The following CHRM3 variants were observed in gnomAD, a reference collection of about 807,000 sequenced individuals.
CHRM3 encodes the protein muscarinic acetylcholine receptor M3.
In CHRM3, 11 loss-of-function variants were observed where a neutral mutation model predicts 41.8. The ratio of observed to expected loss-of-function variants is 0.26; its 90% CI spans 0.17 to 0.44. The LOEUF is 0.44. CHRM3 is among the 20% of genes least tolerant of loss of function. The pLI is 1.00. For missense variants in CHRM3, 571 were observed against 745.4 expected, an observed-to-expected ratio of 0.77 and a Z score of 2.72; for synonymous variants, 297 against 301.4, an observed-to-expected ratio of 0.99 and a Z score of 0.15.
intron 3 of CHRM3, among the ~76,000 whole-genome samples, chr1:239,551,224 G>A (rs1659791777): frequency 6.9e-6 from 1 of 144,584 alleles, no homozygotes; most frequent in Non-Finnish European, 1.5e-5. Context: ...GTGCAATGGC[G>A]TGATCTCGGC....
chr1:239,673,818 C>T (rs1471937068), intron 4 of CHRM3, among the ~76,000 whole-genome samples: 1 of 152,136 alleles, frequency 6.6e-6, no homozygotes, highest in Non-Finnish European at 1.5e-5. Flanking sequence ...TCTATACCTA[C>T]ATTTTCTTAA....
chr1:239,820,157 G>T (rs929569507), intron 5 of CHRM3, among the ~76,000 whole-genome samples: 1 of 152,108 alleles, frequency 6.6e-6, no homozygotes, highest in Admixed American at 6.6e-5. Flanking sequence ...GCACATTAAT[G>T]GGAAAAAAGT....
At chr1:239,901,182 A>G (rs1037978037) in intron 6 of CHRM3, among the ~76,000 whole-genome samples, 3 of 152,204 alleles carry the variant, frequency 2.0e-5, no homozygotes, top group Admixed American at 6.5e-5. Context: ...ATATTATCAG[A>G]TGCGACCTCT....
intron 6 of CHRM3, among the ~76,000 whole-genome samples, chr1:239,841,110 G>A (rs980637359): frequency 3.3e-5 from 5 of 152,210 alleles, no homozygotes; most frequent in Admixed American, 3.3e-4. Flanking sequence ...TTAGTAATGA[G>A]CAAAGATTAA....
intron 2 of CHRM3, among the ~76,000 whole-genome samples, chr1:239,504,851 G>A (rs1013239922): frequency 2.0e-5 from 3 of 151,984 alleles, no homozygotes; most frequent in Non-Finnish European, 1.5e-5. Context: ...TCATATGTAG[G>A]AGCTAAGCTA....
rs556439714 is a variant in CHRM3, at chr1:239,881,079, C to G, written c.-19-26354C>G. 2.5e-4 allele frequency among the ~76,000 whole-genome samples: 38 copies of G among 151,798 alleles called. 1 individual carries two copies. The highest frequency in any genetic ancestry group is 7.4e-5 in the Non-Finnish European group (5 of 67,966). Reference sequence around the variant, plus strand: ...TGGGCGGATCACGAGGTCAGGAGATCGAGACCATCCTGGCTAACACGGTGA... The same window carrying G: ...TGGGCGGATCACGAGGTCAGGAGATGGAGACCATCCTGGCTAACACGGTGA... On this transcript the variant is annotated intron_variant, in intron 6 of 6. Coordinates refer to ENST00000676153, the MANE Select transcript of CHRM3 (RefSeq NM_001375978.1).
chr1:239,863,359 G>T lies in CHRM3; in HGVS notation c.-20+35981G>T, dbSNP rs553857285. Among the ~76,000 whole-genome samples the T allele has an allele frequency of 3.3e-5, 5 of 152,248 alleles. No individual in the cohort carries two copies. The South Asian group carries it at 1.0e-3, about 32-fold the overall frequency. Reference sequence around the variant, plus strand: ...ACAGTGACGCAGCCGTCACCTTAGGGTGCCCTGAATAGCCAGGGCCACTTT... The same window carrying T: ...ACAGTGACGCAGCCGTCACCTTAGGTTGCCCTGAATAGCCAGGGCCACTTT... On this transcript the variant is annotated intron_variant, in intron 6 of 6. Coordinates refer to ENST00000676153, the MANE Select transcript of CHRM3 (RefSeq NM_001375978.1).
chr1:239,551,123 A>G (rs1437542744), intron 3 of CHRM3, among the ~76,000 whole-genome samples: 1 of 144,554 alleles, frequency 6.9e-6, no homozygotes. Flanking sequence ...AAGGTGGAAA[A>G]TGCATATAAG....
intron 5 of CHRM3, among the ~76,000 whole-genome samples, chr1:239,818,093 C>T (rs1438134204): frequency 6.6e-6 from 1 of 152,156 alleles, no homozygotes. Flanking sequence ...GTTCTGGAAG[C>T]TGGAAATCCA....
chr1:239,779,157 A>G (rs146598002), intron 5 of CHRM3, among the ~76,000 whole-genome samples: 2,347 of 152,040 alleles, frequency 0.015, 20 homozygotes, highest in Non-Finnish European at 0.024. Flanking sequence ...TTTTTCATAG[A>G]CTACACGTTT....
chr1:239,730,283 A>G (rs1214874774), intron 5 of CHRM3: 2 of 152,042 alleles, frequency 1.3e-5, no homozygotes, highest in African/African-American at 4.8e-5. Context: ...AGTAAAGAGA[A>G]CTTCAGAGCA....
At chr1:239,696,191 T>C (rs1413283506) in intron 5 of CHRM3, among the ~76,000 whole-genome samples, 1 of 152,224 alleles carries the variant, frequency 6.6e-6, no homozygotes, top group African/African-American at 2.4e-5. Context: ...ATGGAAATAG[T>C]GATAGCTGTC....
intron 5 of CHRM3, among the ~76,000 whole-genome samples, chr1:239,742,471 T>G (rs1289051351): frequency 6.6e-6 from 1 of 152,118 alleles, no homozygotes; most frequent in Non-Finnish European, 1.5e-5. Context: ...TTCTCCTCTA[T>G]ATGGCCAATC....
Position 239,413,190 on chromosome 1 carries a change from T to A in CHRM3, c.-521+25963T>A, listed in dbSNP as rs113371979. ...AAGCCTTACTGGTTTCCACTGCTGT[T>A]CACACCTTCCACCCTTTGGCCCAAC... On this transcript the variant is annotated intron_variant, in intron 1 of 6. Coordinates refer to ENST00000676153, the MANE Select transcript of CHRM3 (RefSeq NM_001375978.1). Among the ~76,000 whole-genome samples the A allele has an allele frequency of 1.2e-3, 186 of 152,292 alleles. 1 individual carries two copies. Among genetic ancestry groups the A allele is most frequent in the African/African-American group, 4.2e-3 (176 of 41,556 alleles).
intron 5 of CHRM3, among the ~76,000 whole-genome samples, chr1:239,682,436 A>G (rs1658659045): frequency 6.6e-6 from 1 of 152,216 alleles, no homozygotes; most frequent in South Asian, 2.1e-4. Context: ...GTTCAGAATA[A>G]AGGCAAATTA....
intron 3 of CHRM3, among the ~76,000 whole-genome samples, chr1:239,620,789 G>A (rs12070319): frequency 0.25 from 38,142 of 151,808 alleles, 5,120 homozygotes; most frequent in African/African-American, 0.28. Context: ...ATGCTGAGGT[G>A]GATTCACTCT....
intron 5 of CHRM3, among the ~76,000 whole-genome samples, chr1:239,720,556 A>G (rs1158815287): frequency 1.3e-5 from 2 of 151,992 alleles, no homozygotes; most frequent in African/African-American, 2.4e-5. Flanking sequence ...GCATGAACAT[A>G]TTTTAAATGC....
intron 5 of CHRM3, among the ~76,000 whole-genome samples, chr1:239,688,185 A>G (rs1455007796): frequency 7.4e-6 from 1 of 134,890 alleles, no homozygotes; most frequent in Non-Finnish European, 1.7e-5. Context: ...TATAATATAC[A>G]CATACACATA....
chr1:239,520,838 TTTCAAAAGCAAC>T (rs1163188211), intron 2 of CHRM3, among the ~76,000 whole-genome samples: 17 of 152,344 alleles, frequency 1.1e-4, no homozygotes, highest in African/African-American at 3.6e-4. Context: ...ATTTGTTGAC[TTTCAAAAGCAAC>T]TTCAATTTAA....
Sources: gnomAD v4.1 joint callset for allele counts (sites outside exome capture counted in the v4.1 genomes callset) on GRCh38, gnomAD v4.1.1 for gene constraint, MANE v1.5 for transcripts, NCBI Gene and HGNC (gene_info 2026-07-23, HGNC 2026-07-21) for gene names.